The following CCDC196 variants were observed in gnomAD, a reference collection of about 807,000 sequenced individuals.
CCDC196 encodes the protein coiled-coil domain-containing protein 196.
At position 66,492,204 on chromosome 14, in the gene CCDC196, A is replaced by C. The variant is rs980715923; in HGVS notation, c.715+10A>C. ...CTTCCTGGGTCCCAAGGTAGGTAGA[A>C]TATCCCAGGTACACAGTTTGAGGTT... On this transcript the variant is annotated intron_variant, in intron 8 of 9. Coordinates refer to ENST00000636229, the MANE Select transcript of CCDC196 (RefSeq NM_001351576.1). 3.1e-5 allele frequency: 13 copies of C among 413,758 alleles called. No homozygotes were observed. The highest frequency in any genetic ancestry group is 5.7e-5 in the Non-Finnish European group (13 of 226,248). The allele number at this position is 413,758 out of a possible 1,614,324, so 25.6% of individuals were successfully genotyped here.
chr14:66,496,340 TAGC>T (rs2057665482), intron 8 of CCDC196: 1 of 456,162 alleles, frequency 2.2e-6, no homozygotes, highest in Non-Finnish European at 4.4e-6. Context: ...ATGATCTGTG[TAGC>T]TGGCAAAATA....
At position 66,491,064 on chromosome 14, in the gene CCDC196, T is replaced by C. The variant is rs2057523714; in HGVS notation, c.473T>C (p.Leu158Pro). The change falls in exon 6 of 10, where the codon CTG becomes CCG. Residue 158 changes from leucine to proline, a missense_variant. Coordinates refer to ENST00000636229, the MANE Select transcript of CCDC196 (RefSeq NM_001351576.1). ...PSSPRKTESE[L>P]EKSFAEKVKE... ...TCACCTAGGAAGACTGAGAGTGAACTGGAGAAATCATTTGCAGAGAAAGTG... is the reference window on the plus strand; with the variant it reads ...TCACCTAGGAAGACTGAGAGTGAACCGGAGAAATCATTTGCAGAGAAAGTG... The C allele has an allele frequency of 4.8e-6, 2 of 413,388 alleles. No homozygotes were observed. The highest frequency in any genetic ancestry group is 8.8e-5 in the Admixed American group (2 of 22,714). The allele number at this position is 413,388 out of a possible 1,614,324, so 25.6% of individuals were successfully genotyped here.
chr14:66,493,823 T>C (rs1000648865), intron 8 of CCDC196: 5 of 152,276 alleles, frequency 3.3e-5, no homozygotes, highest in African/African-American at 1.2e-4. Flanking sequence ...CAAGAAGCAG[T>C]ATTAAATCAT....
In CCDC196 at chr14:66,492,146, C is replaced by G; in HGVS notation, c.667C>G (p.Gln223Glu). 1 of 413,766 alleles carries G rather than the reference C, an allele frequency of 2.4e-6. No individual in the cohort carries two copies. The highest frequency in any genetic ancestry group is 3.6e-5 in the East Asian group (1 of 28,060). 25.6% of individuals were successfully genotyped at this position (413,766 alleles called of 1,614,324 possible). Residue 223 changes from glutamine to glutamate, a missense_variant, in exon 8 of 10, where the codon CAG becomes GAG. Gln to Glu is a conservative substitution (Grantham distance 29). Coordinates refer to ENST00000636229, the MANE Select transcript of CCDC196 (RefSeq NM_001351576.1). ...CCTGAAATTATCACTGTATTTGCAGCAGAATTTTGAGCCAATGCAAGCATT... is the reference window on the plus strand; with the variant it reads ...CCTGAAATTATCACTGTATTTGCAGGAGAATTTTGAGCCAATGCAAGCATT... The part of the protein sequence containing the change: ...NDLKLSLYLQ[Q>E]NFEPMQAFLN...
chr14:66,493,003 T>C (rs767300190), intron 8 of CCDC196: 3 of 152,432 alleles, frequency 2.0e-5, no homozygotes, highest in Non-Finnish European at 4.4e-5. Flanking sequence ...ATTTAAAAAA[T>C]AGAATATAGA....
intron 8 of CCDC196, among the ~76,000 whole-genome samples, chr14:66,493,107 T>C (rs570037979): frequency 1.4e-4 from 21 of 152,180 alleles, no homozygotes; most frequent in African/African-American, 4.8e-4. Flanking sequence ...TGGGAAATCA[T>C]GGCCAAGGGA....
At chr14:66,488,403 T>C (rs911660414) in intron 3 of CCDC196, 147 bp downstream of exon 3, 6 of 394,724 alleles carry the variant, frequency 1.5e-5, no homozygotes, top group Middle Eastern at 1.3e-3. Flanking sequence ...AAGTCCAGGG[T>C]GACCCAAAAG....
Position 66,486,819 on chromosome 14 carries a change from C to T in CCDC196, c.203+10C>T. The T allele has an allele frequency of 2.4e-6, 1 of 412,914 alleles. No homozygotes were observed. Among genetic ancestry groups the T allele is most frequent in the African/African-American group, 2.1e-5 (1 of 48,736 alleles). 25.6% of individuals were successfully genotyped at this position (412,914 alleles called of 1,614,324 possible). ...AGGAAAAACAAAGGAGGTACGGGCTCTTACTCTGGATTCCTAGAGGTAAAA... is the reference window on the plus strand; with the variant it reads ...AGGAAAAACAAAGGAGGTACGGGCTTTTACTCTGGATTCCTAGAGGTAAAA... On this transcript the variant is annotated intron_variant, in intron 2 of 9. Transcript: ENST00000636229.
chr14:66,489,612 TTTC>T (rs2057491763), intron 4 of CCDC196, among the ~76,000 whole-genome samples: 1 of 152,204 alleles, frequency 6.6e-6, no homozygotes, highest in Non-Finnish European at 1.5e-5. Flanking sequence ...TTTTAAATTG[TTTC>T]TTGTTTCCCT....
At chr14:66,497,265 T>A (rs1186053336) in intron 8 of CCDC196, among the ~76,000 whole-genome samples, 1 of 152,180 alleles carries the variant, frequency 6.6e-6, no homozygotes, top group Admixed American at 6.5e-5. Flanking sequence ...TAAGTCATTC[T>A]TTTACTTCTT....
intron 9 of CCDC196, 71 bp from the exon 10 acceptor site, chr14:66,498,282 G>A (rs1282328390): frequency 2.4e-6 from 1 of 412,276 alleles, no homozygotes; most frequent in Non-Finnish European, 4.4e-6. Flanking sequence ...ATATTTTAGG[G>A]GATTTGCAGA....
chr14:66,496,477 T>G, intron 8 of CCDC196: 1 of 430,976 alleles, frequency 2.3e-6, no homozygotes, highest in South Asian at 1.7e-5. Flanking sequence ...CTGCCTCACT[T>G]AGTCTGTTTA....
At chr14:66,488,284 A>G (rs2057455321) in intron 3 of CCDC196, 28 bp downstream of exon 3, 1 of 411,916 alleles carries the variant, frequency 2.4e-6, no homozygotes, top group Admixed American at 4.4e-5. Context: ...CTCCAGGAAC[A>G]GCCTCCTGAA....
chr14:66,489,726 C>T (rs1471091027), intron 4 of CCDC196, among the ~76,000 whole-genome samples: 1 of 152,108 alleles, frequency 6.6e-6, no homozygotes, highest in Non-Finnish European at 1.5e-5. Flanking sequence ...AGAATCAATA[C>T]ATGTAAGTTG....
At position 66,490,735 on chromosome 14, in the gene CCDC196, T is replaced by C. The variant is rs770269682; in HGVS notation, c.352-7T>C. The C allele has an allele frequency of 2.5e-6, 1 of 399,228 alleles. No homozygotes were observed. Among genetic ancestry groups the C allele is most frequent in the Non-Finnish European group, 4.4e-6 (1 of 226,108 alleles). The allele number at this position is 399,228 out of a possible 1,614,324, so 24.7% of individuals were successfully genotyped here. A position where few individuals can be genotyped will look rare whatever the true frequency, so the allele number is the denominator to read the frequency against. On this transcript the variant is annotated splice_region_variant and splice_polypyrimidine_tract_variant and intron_variant, in intron 4 of 9. Transcript: ENST00000636229. Reference sequence around the variant, plus strand: ...CTTTAAAGCTTTGCCAAAATGTCTTTCCACAGACATTCGAGGCAGAAGAAC... The same window carrying C: ...CTTTAAAGCTTTGCCAAAATGTCTTCCCACAGACATTCGAGGCAGAAGAAC...
intron 6 of CCDC196, 136 bp from the exon 7 acceptor site, chr14:66,491,490 G>T (rs990637981): frequency 5.1e-5 from 21 of 410,222 alleles, no homozygotes; most frequent in Non-Finnish European, 9.3e-5. Flanking sequence ...CCAATTAAGA[G>T]AATTGTGCAG....
At position 66,491,093 on chromosome 14, in the gene CCDC196, G is replaced by A; in HGVS notation, c.502G>A (p.Glu168Lys). 1 of 413,434 alleles carries A rather than the reference G, an allele frequency of 2.4e-6. No individual in the cohort carries two copies. The highest frequency in any genetic ancestry group is 3.6e-5 in the East Asian group (1 of 28,088). The allele number at this position is 413,434 out of a possible 1,614,324, so 25.6% of individuals were successfully genotyped here. A position where few individuals can be genotyped will look rare whatever the true frequency, so the allele number is the denominator to read the frequency against. ...LEKSFAEKVK[E>K]IRKEKQQRKM... ...GAAATCATTTGCAGAGAAAGTGAAG[G>A]AGATAAGGAAGGTAGTACAGCCATT... Residue 168 changes from glutamate to lysine, a missense_variant, in exon 6 of 10, where the codon GAG becomes AAG. Glu to Lys is a moderately conservative substitution (Grantham distance 56, BLOSUM62 1). Coordinates refer to ENST00000636229, the MANE Select transcript of CCDC196 (RefSeq NM_001351576.1).
chr14:66,489,188 T>A (rs1201463811), intron 4 of CCDC196, among the ~76,000 whole-genome samples, 151 bp downstream of exon 4: 1 of 152,206 alleles, frequency 6.6e-6, no homozygotes. Flanking sequence ...GCCAAGGTGA[T>A]CTTTTTAAAA....
intron 3 of CCDC196, among the ~76,000 whole-genome samples, chr14:66,488,738 T>C (rs1594733418): frequency 6.6e-6 from 1 of 152,074 alleles, no homozygotes; most frequent in Non-Finnish European, 1.5e-5. Flanking sequence ...TTTCTATAGA[T>C]ACTGTCTCAC....
Sources: gnomAD v4.1 joint callset for allele counts (sites outside exome capture counted in the v4.1 genomes callset) on GRCh38, gnomAD v4.1.1 for gene constraint, MANE v1.5 for transcripts, NCBI Gene and HGNC (gene_info 2026-07-23, HGNC 2026-07-21) for gene names.